Variants in CSMD1 observed in about 807,000 individuals in gnomAD.
The protein encoded by CSMD1 is CUB and sushi domain-containing protein 1.
A neutral mutation model predicts 417.5 loss-of-function variants in CSMD1; 213 were observed. The observed-to-expected ratio is 0.51, with a 90% CI of 0.46 to 0.57. The LOEUF is 0.57. CSMD1 is among the 20% of genes least tolerant of loss of function. The pLI is 0.00. For missense variants in CSMD1, 6,923 were observed against 4,529.7 expected (o/e 1.53, Z -15.17); for synonymous variants, 2,862 against 1,736.8 (o/e 1.65, Z -16.11).
rs141712016 is a variant in CSMD1 at position 4,275,361 on chromosome 8, C to T, written c.415+144592G>A. Reference sequence around the variant, plus strand: ...GTATTTGTTGGAAGAAACTCAGTGCCAAGATTAAAGGAATCATCTTTAATG... The same window carrying T: ...GTATTTGTTGGAAGAAACTCAGTGCTAAGATTAAAGGAATCATCTTTAATG... On this transcript the variant is annotated intron_variant, in intron 3 of 69. Coordinates refer to ENST00000635120, the MANE Select transcript of CSMD1 (RefSeq NM_033225.6). Among the ~76,000 whole-genome samples, 575 of 152,118 alleles carry T rather than the reference C, an allele frequency of 3.8e-3. 4 individuals carry two copies. Among genetic ancestry groups the T allele is most frequent in the African/African-American group, 0.013 (525 of 41,508 alleles).
chr8:3,470,114 C>T (rs573877631), intron 11 of CSMD1, among the ~76,000 whole-genome samples: 3 of 152,174 alleles, frequency 2.0e-5, no homozygotes, highest in Non-Finnish European at 4.4e-5. Context: ...CCTTCTTGTA[C>T]CTTCTCCCAG....
At chr8:3,757,852 AAAAC>A (rs111774270) in intron 5 of CSMD1, among the ~76,000 whole-genome samples, 3 of 150,608 alleles carry the variant, frequency 2.0e-5, no homozygotes, top group Non-Finnish European at 1.5e-5. Context: ...TTCATCTCAA[AAAAC>A]AAACAAACAA....
At chr8:3,147,293 AT>A (rs1563085946) in intron 40 of CSMD1, among the ~76,000 whole-genome samples, 3 of 152,106 alleles carry the variant, frequency 2.0e-5, no homozygotes, top group African/African-American at 4.8e-5. Context: ...TTCTATCTCT[AT>A]TTTCAACTTC....
At chr8:4,776,095 G>C (rs1827964220) in intron 1 of CSMD1, among the ~76,000 whole-genome samples, 2 of 152,060 alleles carry the variant, frequency 1.3e-5, no homozygotes, top group Admixed American at 6.6e-5. Context: ...TGAAGAAGCA[G>C]GCACCGGCCC....
At chr8:3,609,206 G>C (rs1474636896) in intron 8 of CSMD1, among the ~76,000 whole-genome samples, 1 of 152,148 alleles carries the variant, frequency 6.6e-6, no homozygotes, top group Non-Finnish European at 1.5e-5. Flanking sequence ...ACATCTGCCT[G>C]GACATAGGCT....
In CSMD1 at chr8:3,251,717, G is replaced by C. The variant is rs966987735; in HGVS notation, c.4154-21486C>G. Reference sequence around the variant, plus strand: ...ATGAGCATGGAATGTTCTTCCATTTGTTTGTCTCCTTTTTTATTTCATTGA... The same window carrying C: ...ATGAGCATGGAATGTTCTTCCATTTCTTTGTCTCCTTTTTTATTTCATTGA... On this transcript the variant is annotated intron_variant, in intron 26 of 69. Transcript: ENST00000635120. 6.6e-5 allele frequency among the ~76,000 whole-genome samples: 10 copies of C among 152,134 alleles called. No homozygotes were observed. The East Asian group carries it at 1.9e-3, about 29-fold the overall frequency.
At chr8:3,586,731 A>G (rs936262035) in intron 8 of CSMD1, among the ~76,000 whole-genome samples, 2 of 152,198 alleles carry the variant, frequency 1.3e-5, no homozygotes, top group African/African-American at 2.4e-5. Flanking sequence ...TGTTAATTAT[A>G]TTTAAAAGAA....
At chr8:2,966,824 T>G in intron 57 of CSMD1, 78 bp from the exon 58 acceptor site, 1 of 1,337,726 alleles carries the variant, frequency 7.5e-7, no homozygotes, top group African/African-American at 1.4e-5. Context: ...GACCAATGGG[T>G]ATCAGTGCAA....
At chr8:3,338,886 C>T (rs1241618731) in intron 23 of CSMD1, among the ~76,000 whole-genome samples, 1 of 150,290 alleles carries the variant, frequency 6.7e-6, no homozygotes, top group African/African-American at 2.5e-5. Context: ...GCACATTGTG[C>T]AGGTTAGTTA....
intron 5 of CSMD1, among the ~76,000 whole-genome samples, chr8:3,851,573 G>A (rs1340087197): frequency 6.6e-6 from 1 of 152,182 alleles, no homozygotes; most frequent in African/African-American, 2.4e-5. Flanking sequence ...ACTCCCTGCT[G>A]CAGGCCAAGG....
intron 3 of CSMD1, among the ~76,000 whole-genome samples, chr8:4,131,001 T>C (rs1366198226): frequency 1.3e-5 from 2 of 152,172 alleles, no homozygotes; most frequent in Admixed American, 6.5e-5. Flanking sequence ...TCCCTGCTGT[T>C]GGAATCTAGC....
chr8:4,507,427 G>C (rs887384130), intron 2 of CSMD1, among the ~76,000 whole-genome samples: 1 of 152,124 alleles, frequency 6.6e-6, no homozygotes, highest in South Asian at 2.1e-4. Flanking sequence ...ACATTATCCA[G>C]TGTTTTATGG....
intron 1 of CSMD1, among the ~76,000 whole-genome samples, chr8:4,856,329 C>T (rs1195906950): frequency 2.1e-5 from 3 of 144,926 alleles, no homozygotes; most frequent in African/African-American, 7.8e-5. Context: ...ATGTAAAGAC[C>T]ATCGAGACTA....
intron 3 of CSMD1, among the ~76,000 whole-genome samples, chr8:4,081,303 T>C (rs1800118196): frequency 6.6e-6 from 1 of 152,208 alleles, no homozygotes; most frequent in Non-Finnish European, 1.5e-5. Context: ...AGGTAAGCTC[T>C]ATGGTCCCCT....
intron 1 of CSMD1, among the ~76,000 whole-genome samples, chr8:4,779,159 C>G (rs989700630): frequency 6.6e-6 from 1 of 152,122 alleles, no homozygotes; most frequent in Admixed American, 6.6e-5. Context: ...CTGAAGTCTT[C>G]GGTTTAAAAT....
chr8:4,919,794 C>G (rs1020876160), intron 1 of CSMD1, among the ~76,000 whole-genome samples: 3 of 152,002 alleles, frequency 2.0e-5, no homozygotes, highest in Non-Finnish European at 4.4e-5. Context: ...ACAGTAGGTC[C>G]CCCCATTATA....
chr8:4,560,033 A>T (rs1275763556), intron 2 of CSMD1, among the ~76,000 whole-genome samples: 1 of 152,220 alleles, frequency 6.6e-6, no homozygotes, highest in East Asian at 1.9e-4. Flanking sequence ...GTTGACAGAC[A>T]GCCTCCACCT....
At chr8:2,944,985 G>T (rs576683120) in intron 68 of CSMD1, among the ~76,000 whole-genome samples, 2 of 152,288 alleles carry the variant, frequency 1.3e-5, no homozygotes, top group South Asian at 4.1e-4. Flanking sequence ...GAAGGTGTTT[G>T]TGAATTACAT....
Position 4,196,048 on chromosome 8 carries a change from G to T in CSMD1, c.416-163949C>A, listed in dbSNP as rs182668655. Among the ~76,000 whole-genome samples the T allele has an allele frequency of 2.9e-4, 44 of 151,982 alleles. No homozygotes were observed. The East Asian group carries it at 7.8e-3, about 27-fold the overall frequency. On this transcript the variant is annotated intron_variant, in intron 3 of 69. Coordinates refer to ENST00000635120, the MANE Select transcript of CSMD1 (RefSeq NM_033225.6). ...AACACAGTGAAACCTCGTCTCTACT[G>T]AAAATACAAAAAATTAGCCGGGCGT...
Sources: gnomAD v4.1 joint callset for allele counts (sites outside exome capture counted in the v4.1 genomes callset) on GRCh38, gnomAD v4.1.1 for gene constraint, MANE v1.5 for transcripts, NCBI Gene and HGNC (gene_info 2026-07-23, HGNC 2026-07-21) for gene names.